Variants in PARD6G observed in about 807,000 individuals in gnomAD.
PARD6G encodes the protein partitioning defective 6 homolog gamma.
In PARD6G, 7 loss-of-function variants were observed where a neutral mutation model predicts 10.7. The observed-to-expected ratio is 0.66, with a 90% confidence interval of 0.37 to 1.23. The LOEUF is 1.23. PARD6G is among the 50% of genes most tolerant of loss of function. The pLI is 0.02. For missense variants in PARD6G, 548 were observed against 571.8 expected (o/e 0.96, Z 0.42); for synonymous variants, 287 against 269.4 (o/e 1.07, Z -0.64).
chr18:80,233,579 GC>G (rs1967384163), intron 1 of PARD6G, among the ~76,000 whole-genome samples: 1 of 152,170 alleles, frequency 6.6e-6, no homozygotes. Flanking sequence ...AGTCAGGGAG[GC>G]CCCTGAGCCA....
At chr18:80,214,613 A>G (rs183856827) in intron 1 of PARD6G, among the ~76,000 whole-genome samples, 6 of 152,334 alleles carry the variant, frequency 3.9e-5, no homozygotes, top group Admixed American at 3.9e-4. Context: ...CAGATTAGAG[A>G]TGGCAAAAGA....
chr18:80,221,795 T>G (rs1021817708), intron 1 of PARD6G, among the ~76,000 whole-genome samples: 3 of 152,230 alleles, frequency 2.0e-5, no homozygotes, highest in African/African-American at 7.2e-5. Context: ...TAGAAAATCC[T>G]AAGGAATCCA....
At chr18:80,245,847 G>A (rs1967538907) in intron 1 of PARD6G, among the ~76,000 whole-genome samples, 2 of 152,036 alleles carry the variant, frequency 1.3e-5, no homozygotes, top group African/African-American at 4.8e-5. Context: ...AGAGAAGATG[G>A]GTGTGGGGCC....
rs1555734815 is a variant in PARD6G, at chr18:80,177,218, G to GCGCACACACA, written c.296-16613_296-16612insTGTGTGTGCG. On this transcript the variant is annotated intron_variant, in intron 2 of 2. Coordinates refer to ENST00000353265, the MANE Select transcript of PARD6G (RefSeq NM_032510.4). ...ATAAATCACAGCCTAAATGGGAAGCGCACACACACACACACACACACACAC... is the reference window on the plus strand; with the variant it reads ...ATAAATCACAGCCTAAATGGGAAGCGCGCACACACACACACACACACACACACACACACAC... 1.1e-3 allele frequency among the ~76,000 whole-genome samples: 111 copies of GCGCACACACA among 98,890 alleles called. 2 individuals are homozygous for GCGCACACACA. Among genetic ancestry groups the GCGCACACACA allele is most frequent in the East Asian group, 5.8e-3 (17 of 2,952 alleles). The allele number at this position is 98,890 out of a possible 152,430, so 64.9% of individuals were successfully genotyped here. A position where few individuals can be genotyped will look rare whatever the true frequency, so the allele number is the denominator to read the frequency against.
Position 80,157,803 on chromosome 18 carries a change from A to G in PARD6G, c.*1968T>C, listed in dbSNP as rs945078745. Reference sequence around the variant, plus strand: ...CAGGAATTCACAACTCCTCAGCAAAAGCTATTTCTTAAAAATAGAACTTGC... The same window carrying G: ...CAGGAATTCACAACTCCTCAGCAAAGGCTATTTCTTAAAAATAGAACTTGC... On this transcript the variant is annotated 3_prime_UTR_variant, in exon 3 of 3. Transcript: ENST00000353265. 1 of 152,238 alleles carries G rather than the reference A, an allele frequency of 6.6e-6. No individual in the cohort carries two copies. Among genetic ancestry groups the G allele is most frequent in the Admixed American group, 6.5e-5 (1 of 15,288 alleles). The allele number at this position is 152,238 out of a possible 1,614,324, so 9.4% of individuals were successfully genotyped here. A position where few individuals can be genotyped will look rare whatever the true frequency, so the allele number is the denominator to read the frequency against.
Position 80,180,962 on chromosome 18 carries a change from G to A in PARD6G, c.296-20356C>T, listed in dbSNP as rs1397365396. On this transcript the variant is annotated intron_variant, in intron 2 of 2. Coordinates refer to ENST00000353265, the MANE Select transcript of PARD6G (RefSeq NM_032510.4). This position sits in a 1 kb window ranked among gnomAD's most constrained non-coding sequence, Gnocchi z 5.6. The stretch of plus-strand genomic sequence containing the variant: ...GCCCCACAGCAAAGAAATGTCCAGC[G>A]CAGAACGTCAGCAGTGCTGAGGGTA... Among the ~76,000 whole-genome samples the A allele has an allele frequency of 1.3e-5, 2 of 152,224 alleles. No individual in the cohort carries two copies. The highest frequency in any genetic ancestry group is 4.8e-5 in the African/African-American group (2 of 41,458).
chr18:80,187,813 C>G (rs74744520), intron 2 of PARD6G: 4 of 152,212 alleles, frequency 2.6e-5, no homozygotes, highest in Non-Finnish European at 5.9e-5. Context: ...CATCCTTGAG[C>G]GCACTCACAC....
At position 80,189,701 on chromosome 18, in the gene PARD6G, C is replaced by A. The variant is rs1016898775; in HGVS notation, c.295+13009G>T. Among the ~76,000 whole-genome samples, 1 of 152,076 alleles carries A rather than the reference C, an allele frequency of 6.6e-6. No homozygotes were observed. The highest frequency in any genetic ancestry group is 1.5e-5 in the Non-Finnish European group (1 of 68,004). On this transcript the variant is annotated intron_variant, in intron 2 of 2. Coordinates refer to ENST00000353265, the MANE Select transcript of PARD6G (RefSeq NM_032510.4). This position sits in a 1 kb window ranked among gnomAD's most constrained non-coding sequence, Gnocchi z 5.5. Reference sequence around the variant, plus strand: ...AGCTTCAAGCACGTCCCCTGGGAGTCCCCCGTCCGTCGTTGAGGCTGTTCT... The same window carrying A: ...AGCTTCAAGCACGTCCCCTGGGAGTACCCCGTCCGTCGTTGAGGCTGTTCT...
At position 80,211,908 on chromosome 18, in the gene PARD6G, G is replaced by A. The variant is rs546195009; in HGVS notation, c.73-8976C>T. On this transcript the variant is annotated intron_variant, in intron 1 of 2. Coordinates refer to ENST00000353265, the MANE Select transcript of PARD6G (RefSeq NM_032510.4). ...TGGTTGGTGCCAGGGCCTTGAGGGA[G>A]GAGGAATGAGGAGTTTGAATGCAGA... 2.0e-5 allele frequency among the ~76,000 whole-genome samples: 3 copies of A among 151,774 alleles called. No homozygotes were observed. The East Asian group carries it at 5.8e-4, about 29-fold the overall frequency.
intron 1 of PARD6G, among the ~76,000 whole-genome samples, chr18:80,227,117 C>A (rs1035597974): frequency 8.5e-5 from 13 of 152,156 alleles, no homozygotes; most frequent in African/African-American, 2.9e-4. Context: ...CCACCACACC[C>A]AGCTAATTAA....
At chr18:80,243,712 G>A (rs1191928726) in intron 1 of PARD6G, among the ~76,000 whole-genome samples, 1 of 152,174 alleles carries the variant, frequency 6.6e-6, no homozygotes, top group Non-Finnish European at 1.5e-5. Flanking sequence ...GACAGAGAAA[G>A]TTTGTTCTGG....
intron 1 of PARD6G, among the ~76,000 whole-genome samples, chr18:80,206,897 T>C (rs900613855): frequency 3.3e-5 from 5 of 151,764 alleles, no homozygotes; most frequent in Non-Finnish European, 5.9e-5. Context: ...ATACTTAACG[T>C]AAATGAAAGA....
At chr18:80,162,578 C>T (rs927003018) in intron 2 of PARD6G, 1 of 169,252 alleles carries the variant, frequency 5.9e-6, no homozygotes, top group African/African-American at 2.4e-5. Context: ...ACTGCAAATC[C>T]TTACTCAGTG....
chr18:80,160,850 G>A (rs1161848877), intron 2 of PARD6G, among the ~76,000 whole-genome samples: 1 of 152,214 alleles, frequency 6.6e-6, no homozygotes, highest in Non-Finnish European at 1.5e-5. Context: ...GAGATTAAAA[G>A]GTGCTAGCAG....
chr18:80,247,241 T>A lies in PARD6G; in HGVS notation c.72+36A>T. ...GCGCCCCATTCATTAGCCAGGAGACTGGGCGCAGGGCCGCCGGGGCGGGCG... is the reference window on the plus strand; with the variant it reads ...GCGCCCCATTCATTAGCCAGGAGACAGGGCGCAGGGCCGCCGGGGCGGGCG... On this transcript the variant is annotated intron_variant, in intron 1 of 2. Coordinates refer to ENST00000353265, the MANE Select transcript of PARD6G (RefSeq NM_032510.4). This position sits in a 1 kb window ranked among gnomAD's most constrained non-coding sequence, Gnocchi z 4.2. 4 of 1,535,062 alleles carry A rather than the reference T, an allele frequency of 2.6e-6. 1 individual carries two copies. In the South Asian group the frequency reaches 4.7e-5, roughly 18 times the overall value.
rs1240073580 is a variant in PARD6G at position 80,161,584 on chromosome 18, C to CATTA, written c.296-982_296-979dup. ...TCATGTCAGAAAAAAAATCTTGTTT[C>CATTA]ATTAATTTTTATATGAAACCTCTTG... On this transcript the variant is annotated intron_variant, in intron 2 of 2. Coordinates refer to ENST00000353265, the MANE Select transcript of PARD6G (RefSeq NM_032510.4). This position sits in a 1 kb window ranked among gnomAD's most constrained non-coding sequence, Gnocchi z 4.6. Among the ~76,000 whole-genome samples the CATTA allele has an allele frequency of 6.6e-6, 1 of 151,938 alleles. No individual in the cohort carries two copies. The highest frequency in any genetic ancestry group is 2.4e-5 in the African/African-American group (1 of 41,364).
At chr18:80,167,385 G>A (rs536450410) in intron 2 of PARD6G, among the ~76,000 whole-genome samples, 2 of 152,310 alleles carry the variant, frequency 1.3e-5, no homozygotes, top group South Asian at 4.1e-4. Flanking sequence ...GCTGAGGACA[G>A]GGCACGGCTC....
At chr18:80,178,994 G>A (rs11661213) in intron 2 of PARD6G, among the ~76,000 whole-genome samples, 29,077 of 152,024 alleles carry the variant, frequency 0.19, 2,934 homozygotes, top group Middle Eastern at 0.31. Flanking sequence ...ACACGCCAGA[G>A]CCCAGGGAGA....
At chr18:80,194,591 C>T (rs1057300842) in intron 2 of PARD6G, among the ~76,000 whole-genome samples, 1 of 151,906 alleles carries the variant, frequency 6.6e-6, no homozygotes, top group Non-Finnish European at 1.5e-5. Flanking sequence ...GGACATTCAC[C>T]CCCCCGAGAT....
Sources: allele counts gnomAD v4.1 joint callset (sites outside exome capture counted in the v4.1 genomes callset), GRCh38; gene constraint gnomAD v4.1.1; non-coding constraint Gnocchi (gnomAD v3.1); transcripts MANE v1.5; gene names NCBI Gene and HGNC (gene_info 2026-07-23, HGNC 2026-07-21).